MAN1C1: variants seen among roughly 807,000 people sequenced by gnomAD.
The protein encoded by MAN1C1 is mannosyl-oligosaccharide 1,2-alpha-mannosidase IC.
Under a neutral mutation model 71.5 loss-of-function variants are expected in MAN1C1, and 49 were observed. The ratio of observed to expected loss-of-function variants is 0.69; its 90% CI spans 0.54 to 0.87. MAN1C1 has a LOEUF of 0.87. Ranked by LOEUF, MAN1C1 falls within the 40% of genes least tolerant of loss-of-function variation. MAN1C1 has a pLI of 0.00. For missense variants in MAN1C1, 743 were observed against 835.0 expected, an observed-to-expected ratio of 0.89 and a Z score of 1.36; for synonymous variants, 352 against 343.7, an observed-to-expected ratio of 1.02 and a Z score of -0.27.
At chr1:25,654,740 G>A (rs1557750744) in intron 1 of MAN1C1, among the ~76,000 whole-genome samples, 3 of 151,938 alleles carry the variant, frequency 2.0e-5, no homozygotes, top group Non-Finnish European at 2.9e-5. Context: ...TCCGCCTCCT[G>A]GGTTCAAGCC....
intron 1 of MAN1C1, among the ~76,000 whole-genome samples, chr1:25,652,168 T>A (rs2045701895): frequency 6.6e-6 from 1 of 152,222 alleles, no homozygotes; most frequent in Non-Finnish European, 1.5e-5. Context: ...TCCTGGGGTC[T>A]AAGCTGAGGA....
At chr1:25,724,460 T>C (rs1044456722) in intron 2 of MAN1C1, among the ~76,000 whole-genome samples, 2 of 152,178 alleles carry the variant, frequency 1.3e-5, no homozygotes, top group African/African-American at 4.8e-5. Context: ...TCAGCTCTAG[T>C]TCATATGTAT....
intron 2 of MAN1C1, among the ~76,000 whole-genome samples, chr1:25,687,560 C>T (rs1315877315): frequency 6.6e-6 from 1 of 152,162 alleles, no homozygotes; most frequent in Non-Finnish European, 1.5e-5. Context: ...ATGGAAATTC[C>T]CAGGAAAATC....
intron 1 of MAN1C1, among the ~76,000 whole-genome samples, chr1:25,641,487 T>A (rs1438509151): frequency 6.6e-6 from 1 of 152,146 alleles, no homozygotes; most frequent in African/African-American, 2.4e-5. Flanking sequence ...TGGATAGGCA[T>A]GTAAAAGAAC....
intron 1 of MAN1C1, among the ~76,000 whole-genome samples, chr1:25,680,480 C>T (rs1235592922): frequency 6.6e-6 from 1 of 152,182 alleles, no homozygotes; most frequent in African/African-American, 2.4e-5. Context: ...TTCTCCCTTC[C>T]CCTAGTCCCT....
At chr1:25,670,197 A>G (rs914344505) in intron 1 of MAN1C1, among the ~76,000 whole-genome samples, 2 of 152,244 alleles carry the variant, frequency 1.3e-5, no homozygotes, top group Non-Finnish European at 2.9e-5. Flanking sequence ...GGATGCAGAG[A>G]CGCCACTAAG....
intron 3 of MAN1C1, among the ~76,000 whole-genome samples, chr1:25,747,397 A>G (rs905563349): frequency 2.0e-5 from 3 of 152,198 alleles, no homozygotes; most frequent in Non-Finnish European, 4.4e-5. Flanking sequence ...ACAGCCCACC[A>G]TGTTGATCTC....
intron 1 of MAN1C1, among the ~76,000 whole-genome samples, chr1:25,677,939 AG>A (rs958797836): frequency 2.2e-4 from 33 of 147,836 alleles, no homozygotes; most frequent in African/African-American, 6.8e-4. Flanking sequence ...TTTTGACTTA[AG>A]GGTAGCACCA....
intron 1 of MAN1C1, among the ~76,000 whole-genome samples, chr1:25,679,334 T>C (rs1436969719): frequency 2.6e-5 from 4 of 152,156 alleles, no homozygotes. Context: ...CCTAATTTGT[T>C]CACCAGACTT....
chr1:25,758,201 A>G (rs2047314563), intron 5 of MAN1C1, among the ~76,000 whole-genome samples: 1 of 152,226 alleles, frequency 6.6e-6, no homozygotes, highest in Admixed American at 6.5e-5. Flanking sequence ...GTTGTGAGCC[A>G]TCCGGTGCCT....
intron 2 of MAN1C1, among the ~76,000 whole-genome samples, chr1:25,692,181 C>T (rs1165349784): frequency 6.6e-6 from 1 of 152,204 alleles, no homozygotes; most frequent in Non-Finnish European, 1.5e-5. Flanking sequence ...GCGCCGCACA[C>T]TCTGAGATCA....
intron 1 of MAN1C1, 85 bp from the exon 2 acceptor site, chr1:25,686,355 G>T: frequency 5.4e-6 from 6 of 1,107,030 alleles, no homozygotes; most frequent in Non-Finnish European, 6.8e-6. Flanking sequence ...TTAAAAACAC[G>T]TTGCAAGGGG....
chr1:25,713,828 G>A (rs60253352), intron 2 of MAN1C1, among the ~76,000 whole-genome samples: 1,726 of 152,190 alleles, frequency 0.011, 28 homozygotes, highest in African/African-American at 0.039. Context: ...TTTGGACTTC[G>A]CTGGGCCCAG....
In MAN1C1 at chr1:25,656,095, C is replaced by CTT. The variant is rs59710145; in HGVS notation, c.541-30324_541-30323dup. Among the ~76,000 whole-genome samples, 402 of 74,944 alleles carry CTT rather than the reference C, an allele frequency of 5.4e-3. 44 individuals carry two copies. In the East Asian group the frequency reaches 0.054, roughly 10 times the overall value. The allele number at this position is 74,944 out of a possible 152,430, so 49.2% of individuals were successfully genotyped here. On this transcript the variant is annotated intron_variant, in intron 1 of 11. Transcript: ENST00000374332. ...TATGTCTTAGGTTGGGATTATCAGT[C>CTT]TTTTTTTTTTTTTTTTTTTTTTGAG...
chr1:25,712,922 T>C (rs900574802), intron 2 of MAN1C1, among the ~76,000 whole-genome samples: 1 of 152,194 alleles, frequency 6.6e-6, no homozygotes, highest in African/African-American at 2.4e-5. Flanking sequence ...CTCAGATACT[T>C]TCCAAGCCAG....
chr1:25,740,403 T>C (rs928074039), intron 2 of MAN1C1, among the ~76,000 whole-genome samples: 2 of 151,918 alleles, frequency 1.3e-5, no homozygotes, highest in Non-Finnish European at 2.9e-5. Flanking sequence ...AGGAGTGGCA[T>C]GATATGACTT....
At chr1:25,671,977 C>T (rs2045999235) in intron 1 of MAN1C1, among the ~76,000 whole-genome samples, 1 of 152,276 alleles carries the variant, frequency 6.6e-6, no homozygotes, top group Non-Finnish European at 1.5e-5. Context: ...TGGGAAGTTC[C>T]ACAACAGGCC....
chr1:25,685,530 C>CT (rs1282128774), intron 1 of MAN1C1, among the ~76,000 whole-genome samples: 2 of 152,362 alleles, frequency 1.3e-5, no homozygotes, highest in East Asian at 3.9e-4. Flanking sequence ...TGGGGGTGGA[C>CT]TGTGACCTTG....
At chr1:25,687,834 CA>C (rs888056590) in intron 2 of MAN1C1, among the ~76,000 whole-genome samples, 38 of 148,510 alleles carry the variant, frequency 2.6e-4, no homozygotes, top group African/African-American at 3.7e-4. Flanking sequence ...GCAAATCAGG[CA>C]AAAAAAAAAT....
Sources: gnomAD v4.1 joint callset for allele counts (sites outside exome capture counted in the v4.1 genomes callset) on GRCh38, gnomAD v4.1.1 for gene constraint, MANE v1.5 for transcripts, NCBI Gene and HGNC (gene_info 2026-07-23, HGNC 2026-07-21) for gene names.